CCDC201: variants seen among roughly 807,000 people sequenced by gnomAD.
The protein encoded by CCDC201 is coiled-coil domain containing 201.
intron 1 of CCDC201, among the ~76,000 whole-genome samples, 171 bp downstream of exon 1, chr7:45,872,819 C>T (rs1371989908): frequency 6.6e-6 from 1 of 152,160 alleles, no homozygotes; most frequent in Non-Finnish European, 1.5e-5. Flanking sequence ...CCACAGGCCA[C>T]CAGGACCAGG....
chr7:45,863,018 G>A (rs2116515103), exon 3 of CCDC201: 1 of 152,402 alleles, frequency 6.6e-6, no homozygotes, highest in South Asian at 2.1e-4. Flanking sequence ...GCACCATGTG[G>A]ACGATGAAGC....
At chr7:45,870,891 C>A (rs1786735623) in intron 1 of CCDC201, among the ~76,000 whole-genome samples, 1 of 152,076 alleles carries the variant, frequency 6.6e-6, no homozygotes, top group South Asian at 2.1e-4. Flanking sequence ...TCTTCAACTT[C>A]AAAAAAGAGA....
At chr7:45,880,445 C>A in the CCDC201 span, among the ~76,000 whole-genome samples, 1 of 152,220 alleles carries the variant, frequency 6.6e-6, no homozygotes, top group African/African-American at 2.4e-5. Flanking sequence ...ACACCATATG[C>A]GGGTGATGGC....
chr7:45,877,840 A>G (rs1215915334), upstream of CCDC201, among the ~76,000 whole-genome samples: 5 of 152,174 alleles, frequency 3.3e-5, no homozygotes, highest in Non-Finnish European at 7.3e-5. Flanking sequence ...TTTCTTCTCA[A>G]TAGTCCCCCA....
exon 3 of CCDC201, chr7:45,862,976 G>C (rs1258479079): frequency 2.0e-5 from 3 of 152,310 alleles, no homozygotes; most frequent in Non-Finnish European, 2.9e-5. Flanking sequence ...CCATGGAGAA[G>C]GGCAACAGCA....
chr7:45,876,327 C>A (rs1786807920), upstream of CCDC201, among the ~76,000 whole-genome samples: 1 of 152,188 alleles, frequency 6.6e-6, no homozygotes. Flanking sequence ...TATTTTCTAT[C>A]ACAAGGACTG....
At chr7:45,876,448 C>T (rs34088222), upstream of CCDC201, among the ~76,000 whole-genome samples, 16,803 of 152,204 alleles carry the variant, frequency 0.11, 1,072 homozygotes, top group Non-Finnish European at 0.14. Flanking sequence ...AGGACCTAGC[C>T]TGGACCCCAT....
chr7:45,883,956 T>A, the CCDC201 span, among the ~76,000 whole-genome samples: 312 of 111,016 alleles, frequency 2.8e-3, no homozygotes, highest in Middle Eastern at 0.015. Flanking sequence ...CCAGAACCGA[T>A]CTTTCTTTCT....
At chr7:45,866,969 C>A (rs917678277) in intron 1 of CCDC201, among the ~76,000 whole-genome samples, 1 of 152,130 alleles carries the variant, frequency 6.6e-6, no homozygotes, top group Non-Finnish European at 1.5e-5. Context: ...GTGCTGTGTG[C>A]CCTGGAGGTA....
chr7:45,874,007 C>T (rs150185184), upstream of CCDC201, among the ~76,000 whole-genome samples: 708 of 150,368 alleles, frequency 4.7e-3, 11 homozygotes, highest in African/African-American at 0.016. Flanking sequence ...GTAACTTCTG[C>T]CTCCTGGGGT....
chr7:45,867,778 C>T (rs550110725), intron 1 of CCDC201, among the ~76,000 whole-genome samples: 10 of 152,316 alleles, frequency 6.6e-5, no homozygotes, highest in African/African-American at 1.4e-4. Flanking sequence ...AGTTCAAGGA[C>T]GTCACCACTT....
At chr7:45,876,824 C>T (rs62457620), upstream of CCDC201, among the ~76,000 whole-genome samples, 2,503 of 152,328 alleles carry the variant, frequency 0.016, 29 homozygotes, top group Middle Eastern at 0.041. Context: ...AGCCTAGAGC[C>T]TGACACATTC....
chr7:45,876,004 T>C (rs1325926651), upstream of CCDC201, among the ~76,000 whole-genome samples: 1 of 152,226 alleles, frequency 6.6e-6, no homozygotes, highest in Non-Finnish European at 1.5e-5. Flanking sequence ...CCTGTGAATC[T>C]GTTCTGTCAC....
the CCDC201 span, among the ~76,000 whole-genome samples, chr7:45,882,966 T>C: frequency 1.1e-4 from 16 of 152,304 alleles, no homozygotes; most frequent in East Asian, 3.1e-3. Flanking sequence ...GCCTGTATGG[T>C]ATGGCAGGAA....
At chr7:45,885,110 G>A in the CCDC201 span, among the ~76,000 whole-genome samples, 1 of 152,280 alleles carries the variant, frequency 6.6e-6, no homozygotes, top group East Asian at 1.9e-4. Flanking sequence ...AGAGACCATG[G>A]ACTTGATAAG....
chr7:45,865,682 T>C (rs1361267717), intron 2 of CCDC201, among the ~76,000 whole-genome samples: 1 of 152,082 alleles, frequency 6.6e-6, no homozygotes, highest in African/African-American at 2.4e-5. Context: ...TAAAGAGCAA[T>C]GACAAAGCAG....
At chr7:45,884,689 G>A in the CCDC201 span, among the ~76,000 whole-genome samples, 1 of 152,118 alleles carries the variant, frequency 6.6e-6, no homozygotes, top group Non-Finnish European at 1.5e-5. Context: ...CTTGGGGGAA[G>A]GCCACTTACC....
At chr7:45,876,624 G>A (rs1562791849), upstream of CCDC201, among the ~76,000 whole-genome samples, 1 of 152,232 alleles carries the variant, frequency 6.6e-6, no homozygotes, top group Non-Finnish European at 1.5e-5. Context: ...TGGCACATAG[G>A]TACACTGGTT....
chr7:45,864,537 CG>C (rs2116516969), intron 2 of CCDC201, among the ~76,000 whole-genome samples: 1 of 152,236 alleles, frequency 6.6e-6, no homozygotes, highest in East Asian at 1.9e-4. Context: ...ACTCGGAACT[CG>C]GGGCTTTCCG....
Sources: gnomAD v4.1 joint callset for allele counts (sites outside exome capture counted in the v4.1 genomes callset) on GRCh38, gnomAD v4.1.1 for gene constraint, MANE v1.5 for transcripts, NCBI Gene and HGNC (gene_info 2026-07-23, HGNC 2026-07-21) for gene names.